PRPSAP1: variants seen among roughly 807,000 people sequenced by gnomAD.
PRPSAP1 encodes the protein phosphoribosyl pyrophosphate synthetase associated protein 1.
A neutral mutation model predicts 39.4 loss-of-function variants in PRPSAP1; 31 were observed. The observed-to-expected ratio is 0.79, with a 90% confidence interval of 0.59 to 1.06. PRPSAP1 has a LOEUF of 1.06. PRPSAP1 is among the 50% of genes least tolerant of loss of function. The probability of loss-of-function intolerance (pLI) is 0.00; values close to 1 mark genes in which losing one functional copy is unlikely to be tolerated. For missense variants in PRPSAP1, 430 were observed against 511.6 expected (o/e 0.84, Z 1.54); for synonymous variants, 212 against 192.6 (o/e 1.10, Z -0.83).
intron 7 of PRPSAP1, among the ~76,000 whole-genome samples, chr17:76,317,102 G>A (rs536905264): frequency 1.3e-5 from 2 of 152,346 alleles, no homozygotes; most frequent in East Asian, 1.9e-4. Flanking sequence ...GATGGCTCAC[G>A]CCTGTGATCC....
At chr17:76,312,836 T>TA in intron 9 of PRPSAP1, 34 bp downstream of exon 9, 1 of 1,587,356 alleles carries the variant, frequency 6.3e-7, no homozygotes, top group Non-Finnish European at 8.5e-7. Flanking sequence ...AACACAGCAG[T>TA]AAATCTTGGC....
chr17:76,348,665 A>G, intron 1 of PRPSAP1, 84 bp from the exon 2 acceptor site: 1 of 1,012,814 alleles, frequency 9.9e-7, no homozygotes. Flanking sequence ...GTCTAATAAA[A>G]AGACTCAAAT....
intron 4 of PRPSAP1, 110 bp downstream of exon 4, chr17:76,332,153 G>T: frequency 7.4e-7 from 1 of 1,352,946 alleles, no homozygotes; most frequent in Non-Finnish European, 1.0e-6. Context: ...TGTTCAAAAG[G>T]AAACAAACAC....
chr17:76,328,611 A>C lies in PRPSAP1; in HGVS notation c.781+106T>G. On this transcript the variant is annotated intron_variant, in intron 7 of 9. Coordinates refer to ENST00000446526, the MANE Select transcript of PRPSAP1 (RefSeq NM_002766.3). ...GTGACAGAGTGAGACTCCATCTCAA[A>C]AACAAAACAAAACAAAACAAAACAA... 6 of 1,395,822 alleles carry C rather than the reference A, an allele frequency of 4.3e-6. No homozygotes were observed. The South Asian group carries it at 7.8e-5, about 18-fold the overall frequency. 86.5% of individuals were successfully genotyped at this position (1,395,822 alleles called of 1,614,324 possible).
chr17:76,329,000 T>A, intron 6 of PRPSAP1, 138 bp from the exon 7 acceptor site: 2 of 1,036,164 alleles, frequency 1.9e-6, no homozygotes, highest in Non-Finnish European at 2.7e-6. Flanking sequence ...AATGAGAATG[T>A]GAGGCCCAGG....
In PRPSAP1 at chr17:76,332,217, C is replaced by T. The variant is rs772359946; in HGVS notation, c.463+46G>A. ...TGAGCTAAGTCCAACTAGGAAAGAG[C>T]CCTAAAGGATCATGCTGGAACCCCA... On this transcript the variant is annotated intron_variant, in intron 4 of 9. Transcript: ENST00000446526. 3 of 1,597,170 alleles carry T rather than the reference C, an allele frequency of 1.9e-6. No homozygotes were observed. The South Asian group carries it at 3.4e-5, about 18-fold the overall frequency.
intron 2 of PRPSAP1, chr17:76,345,840 G>A (rs1230109390): frequency 7.7e-6 from 3 of 391,626 alleles, no homozygotes; most frequent in African/African-American, 2.1e-5. Flanking sequence ...TTGCCACCAT[G>A]CCCAAGAGAA....
rs111252847 is a variant in PRPSAP1, at chr17:76,323,861, T to G, written c.781+4856A>C. 2.2e-3 allele frequency among the ~76,000 whole-genome samples: 339 copies of G among 152,162 alleles called. 8 individuals carry two copies. The highest frequency in any genetic ancestry group is 7.5e-3 in the African/African-American group (310 of 41,526). ...TGACTACAATTTTGAAAGTAGTTCTTTCGGCTGGGCGCAGTGGCTCACGCC... is the reference window on the plus strand; with the variant it reads ...TGACTACAATTTTGAAAGTAGTTCTGTCGGCTGGGCGCAGTGGCTCACGCC... On this transcript the variant is annotated intron_variant, in intron 7 of 9. Transcript: ENST00000446526.
At chr17:76,336,062 C>A (rs1432342946) in intron 3 of PRPSAP1, among the ~76,000 whole-genome samples, 1 of 152,174 alleles carries the variant, frequency 6.6e-6, no homozygotes. Flanking sequence ...GAGAACACAG[C>A]ACAAGGGAGG....
chr17:76,322,551 A>G (rs929494914), intron 7 of PRPSAP1, among the ~76,000 whole-genome samples: 3 of 152,290 alleles, frequency 2.0e-5, no homozygotes, highest in East Asian at 1.9e-4. Flanking sequence ...ATTAAGAGTA[A>G]TAACAATAAG....
chr17:76,343,435 A>G (rs2071461509), intron 3 of PRPSAP1, among the ~76,000 whole-genome samples: 1 of 152,244 alleles, frequency 6.6e-6, no homozygotes, highest in South Asian at 2.1e-4. Flanking sequence ...ATGAACCAGG[A>G]GCAGTTTATG....
At position 76,313,884 on chromosome 17, in the gene PRPSAP1, C is replaced by A; in HGVS notation, c.789G>T (p.Met263Ile). The change falls in exon 8 of 10, where the codon ATG becomes ATT. Residue 263 changes from methionine to isoleucine, a missense_variant. Physicochemically the swap from Met to Ile is conservative, Grantham distance 10. Coordinates refer to ENST00000446526, the MANE Select transcript of PRPSAP1 (RefSeq NM_002766.3). ...VHPGLELPLMMAKEKPPITVV... is the reference protein window; with the variant it reads ...VHPGLELPLMIAKEKPPITVV... Reference sequence around the variant, plus strand: ...CAGTTATCGGTGGCTTCTCTTTGGCCATCATCACTAGCAAAACAAAACAAA... The same window carrying A: ...CAGTTATCGGTGGCTTCTCTTTGGCAATCATCACTAGCAAAACAAAACAAA... 6.2e-7 allele frequency: 1 copy of A among 1,614,158 alleles called. No individual in the cohort carries two copies. The highest frequency in any genetic ancestry group is 1.1e-5 in the South Asian group (1 of 91,076).
chr17:76,321,104 C>G (rs907570966), intron 7 of PRPSAP1, among the ~76,000 whole-genome samples: 2 of 152,104 alleles, frequency 1.3e-5, no homozygotes, highest in African/African-American at 2.4e-5. Context: ...TTTCTAACAG[C>G]ATGTGCTCGT....
chr17:76,325,351 G>C, intron 7 of PRPSAP1, among the ~76,000 whole-genome samples: 1 of 124,682 alleles, frequency 8.0e-6, no homozygotes, highest in East Asian at 2.8e-4. Flanking sequence ...GGAGCTTGCA[G>C]TGAGCTGAGA....
At position 76,353,891 on chromosome 17, in the gene PRPSAP1, G is replaced by A. The variant is rs939954973; in HGVS notation, c.-188C>T. ...CAGCGGCCGAGCCTTCGCAGCGCCC[G>A]GCGCCGCCGCCTCAGAGCCAGAGGC... On this transcript the variant is annotated 5_prime_UTR_variant, in exon 1 of 10. Transcript: ENST00000446526. 4 of 1,330,130 alleles carry A rather than the reference G, an allele frequency of 3.0e-6. No individual in the cohort carries two copies. Among genetic ancestry groups the A allele is most frequent in the East Asian group, 3.1e-5 (1 of 31,816 alleles). 82.4% of individuals were successfully genotyped at this position (1,330,130 alleles called of 1,614,324 possible).
rs373062780 is a variant in PRPSAP1 at position 76,311,595 on chromosome 17, G to A, written c.1105C>T (p.His369Tyr). The A allele has an allele frequency of 3.7e-6, 6 of 1,614,024 alleles. No individual in the cohort carries two copies. The highest frequency in any genetic ancestry group is 4.2e-6 in the Non-Finnish European group (5 of 1,180,036). Residue 369 changes from histidine to tyrosine, a missense_variant, in exon 10 of 10, where the codon CAC becomes TAC. Physicochemically the swap from His to Tyr is moderately conservative, Grantham distance 83. Transcript: ENST00000446526. ...AGGTAGGCCATGGACTCTCCATTGT[G>A]GATTCTCCGAATGGCTTCAGAAAGA... ...LILSEAIRRI[H>Y]NGESMAYLFR...
At chr17:76,346,041 T>C in intron 2 of PRPSAP1, 1 of 428,560 alleles carries the variant, frequency 2.3e-6, no homozygotes, top group Non-Finnish European at 4.5e-6. Context: ...AGGAGGGGAA[T>C]GACTCTATGG....
At position 76,347,313 on chromosome 17, in the gene PRPSAP1, C is replaced by G. The variant is rs188066658; in HGVS notation, c.223+1216G>C. 2.3e-4 allele frequency among the ~76,000 whole-genome samples: 35 copies of G among 151,590 alleles called. 1 individual carries two copies. Among genetic ancestry groups the G allele is most frequent in the Non-Finnish European group, 4.0e-4 (27 of 67,896 alleles). ...ACCAGCCTGACCAACATGGCAAAAC[C>G]CCCGTCTCTGCTAAAAATACAAAAT... On this transcript the variant is annotated intron_variant, in intron 2 of 9. Transcript: ENST00000446526.
chr17:76,353,279 A>AAGGC (rs1386400599), intron 1 of PRPSAP1: 1 of 471,034 alleles, frequency 2.1e-6, no homozygotes, highest in African/African-American at 2.1e-5. Flanking sequence ...GCGGAGACGA[A>AAGGC]AGGCAGGCAG....
Sources: gnomAD v4.1 joint callset for allele counts (sites outside exome capture counted in the v4.1 genomes callset) on GRCh38, gnomAD v4.1.1 for gene constraint, MANE v1.5 for transcripts, NCBI Gene and HGNC (gene_info 2026-07-23, HGNC 2026-07-21) for gene names.